The following NEB variants were observed in gnomAD, a reference collection of about 807,000 sequenced individuals.
The protein encoded by NEB is nemaline myopathy type 2.
Under a neutral mutation model 952.2 loss-of-function variants are expected in NEB, and 512 were observed. That is an observed-to-expected ratio of 0.54 (90% CI 0.50 to 0.58). The LOEUF (loss-of-function observed/expected upper bound fraction) is 0.58, where lower values mean the gene tolerates loss of function less well. Among genes scored for constraint, NEB ranks in the 20% least tolerant of loss-of-function variants. The probability of loss-of-function intolerance (pLI) is 0.00; values close to 1 mark genes in which losing one functional copy is unlikely to be tolerated. For missense variants in NEB, 8,428 were observed against 9,231.1 expected (o/e 0.91, Z 3.56); for synonymous variants, 2,900 against 3,149.8 (o/e 0.92, Z 2.66).
chr2:151,537,096 G>A (rs751847160), intron 141 of NEB, 36 bp downstream of exon 141: 85 of 1,341,008 alleles, frequency 6.3e-5, no homozygotes, highest in Admixed American at 1.2e-4. Context: ...GGTATATGTC[G>A]AATGGATGAG....
In NEB at chr2:151,619,470, G is replaced by T; in HGVS notation, c.10853C>A (p.Ala3618Asp). 6.2e-7 allele frequency: 1 copy of T among 1,607,986 alleles called. No individual in the cohort carries two copies. Among genetic ancestry groups the T allele is most frequent in the African/African-American group, 1.3e-5 (1 of 74,904 alleles). ...ACTTACGTCACTCTGGAGGTCATAG[G>T]CTTTCCGTGCATGAATGATGTCATT... ...DQNDIIHARK[A>D]YDLQSDNLYK... The change falls in exon 73 of 182, where the codon GCC becomes GAC. Residue 3618 changes from alanine (A) to aspartate (D), a missense_variant. This residue lies in a region of NEB where 1,772 missense variants were observed against 1,960.3 expected (regional missense o/e 0.90). Coordinates refer to ENST00000397345, the MANE Select transcript of NEB (RefSeq NM_001164508.2).
At position 151,643,842 on chromosome 2, in the gene NEB, C is replaced by T; in HGVS notation, c.7932G>A (p.Arg2644=). 1 of 1,613,790 alleles carries T rather than the reference C, an allele frequency of 6.2e-7. No individual in the cohort carries two copies. Among genetic ancestry groups the T allele is most frequent in the South Asian group, 1.1e-5 (1 of 91,074 alleles). Residue 2644 remains arginine, a synonymous_variant, in exon 57 of 182, where the codon CGG becomes CGA. Coordinates refer to ENST00000397345, the MANE Select transcript of NEB (RefSeq NM_001164508.2). ...LPDQSDVIHA[R]QAYDLQSDNL... ...CATCGCTCTGGAGGTCATAGGCCTG[C>T]CGAGCATGGATGACATCGCTCTGGT...
rs753855949 is a variant in NEB, at chr2:151,513,648, G to A, written c.23173C>T (p.Leu7725=). ...GGAGTTTCATTGGCCATGGCATTCAGGCCTCTTCCTTTGACTTCCAGTTCC... is the reference window on the plus strand; with the variant it reads ...GGAGTTTCATTGGCCATGGCATTCAAGCCTCTTCCTTTGACTTCCAGTTCC... ...DLELEVKGRG[L]NAMANETPDF... is the part of the protein sequence containing the mutation. The change falls in exon 160 of 182, where the codon CTG becomes TTG. Residue 7725 remains leucine (L), a synonymous_variant. Coordinates refer to ENST00000397345, the MANE Select transcript of NEB (RefSeq NM_001164508.2). 1 of 1,609,566 alleles carries A rather than the reference G, an allele frequency of 6.2e-7. No homozygotes were observed. The highest frequency in any genetic ancestry group is 2.2e-5 in the East Asian group (1 of 44,838).
At chr2:151,491,020 T>C (rs2056107034) in intron 179 of NEB, among the ~76,000 whole-genome samples, 1 of 149,322 alleles carries the variant, frequency 6.7e-6, no homozygotes, top group Non-Finnish European at 1.5e-5. Context: ...CTTTGAGGAC[T>C]GTCTCTACAT....
rs569849433 is a variant in NEB at position 151,513,687 on chromosome 2, A to G, written c.23134T>C (p.Tyr7712His). 1.9e-6 allele frequency: 3 copies of G among 1,593,744 alleles called. No individual in the cohort carries two copies. Among genetic ancestry groups the G allele is most frequent in the East Asian group, 2.2e-5 (1 of 44,516 alleles). The change falls in exon 160 of 182, where the codon TAT becomes CAT. Residue 7712 changes from tyrosine (Y) to histidine (H), a missense_variant. By Grantham distance (83) the Tyr-to-His change is moderately conservative. Transcript: ENST00000397345. ...ACTTCCAGTTCCAGGTCTCGCTTAT[A>G]TTCTTTCTATAGTAGCATTAAAAGA... is the stretch of plus-strand genomic sequence containing the variant. ...NATQILNEKE[Y>H]KRDLELEVKG...
At chr2:151,609,101 G>C (rs945370533) in intron 81 of NEB, among the ~76,000 whole-genome samples, 12 of 151,146 alleles carry the variant, frequency 7.9e-5, no homozygotes, top group Admixed American at 7.9e-4. Flanking sequence ...AGTTGAAGTC[G>C]TGAGTGCTAA....
intron 7 of NEB, 28 bp downstream of exon 7, chr2:151,724,829 A>G: frequency 1.3e-6 from 2 of 1,574,910 alleles, no homozygotes; most frequent in Non-Finnish European, 8.7e-7. Flanking sequence ...GCTACTGAGT[A>G]CCCCAGCCAT....
At chr2:151,634,418 T>G (rs1342175096) in intron 64 of NEB, among the ~76,000 whole-genome samples, 1 of 151,952 alleles carries the variant, frequency 6.6e-6, no homozygotes, top group Non-Finnish European at 1.5e-5. Flanking sequence ...CTAAGGCAGG[T>G]GGATCATGAG....
chr2:151,658,762 T>A (rs555272619), intron 47 of NEB, among the ~76,000 whole-genome samples: 1 of 152,144 alleles, frequency 6.6e-6, no homozygotes, highest in African/African-American at 2.4e-5. Flanking sequence ...GACTCTCATT[T>A]CCTTTTTCTC....
rs1197573851 is a variant in NEB at position 151,533,565 on chromosome 2, G to A, written c.21313-19C>T. 35 of 1,482,272 alleles carry A rather than the reference G, an allele frequency of 2.4e-5. No individual in the cohort carries two copies. The East Asian group carries it at 7.4e-4, about 31-fold the overall frequency. The allele number at this position is 1,482,272 out of a possible 1,614,324, so 91.8% of individuals were successfully genotyped here. ...ATTTTCTCTGTCCATGCAAAGAGCA[G>A]TGAAGCACAAAAGAGACTTATGAAG... On this transcript the variant is annotated intron_variant, in intron 142 of 181. Coordinates refer to ENST00000397345, the MANE Select transcript of NEB (RefSeq NM_001164508.2).
At chr2:151,525,386 T>C (rs1218912491) in intron 150 of NEB, 113 bp from the exon 151 acceptor site, 1 of 746,692 alleles carries the variant, frequency 1.3e-6, no homozygotes, top group Non-Finnish European at 2.3e-6. Flanking sequence ...TTGGCGTCAG[T>C]CTGGGACTTA....
rs1269689739 is a variant in NEB at position 151,614,609 on chromosome 2, T to A, written c.11290-22A>T. On this transcript the variant is annotated intron_variant, in intron 76 of 181. Transcript: ENST00000397345. ...TGTACTAAAAAAATAGAGATATGAGTATAATGACAAGAACATCTTATATAA... is the reference window on the plus strand; with the variant it reads ...TGTACTAAAAAAATAGAGATATGAGAATAATGACAAGAACATCTTATATAA... 7 of 1,592,236 alleles carry A rather than the reference T, an allele frequency of 4.4e-6. 1 individual carries two copies. The highest frequency in any genetic ancestry group is 6.0e-6 in the Non-Finnish European group (7 of 1,162,620).
chr2:151,562,119 A>G lies in NEB; in HGVS notation c.18987T>C (p.Leu6329=). 1 of 1,613,296 alleles carries G rather than the reference A, an allele frequency of 6.2e-7. No individual in the cohort carries two copies. Residue 6329 remains leucine, a synonymous_variant, in exon 121 of 182, where the codon CTT becomes CTC. Coordinates refer to ENST00000397345, the MANE Select transcript of NEB (RefSeq NM_001164508.2). ...TAGGAAGGTGGCTCACCTGACTCTG[A>G]AGGTCGTATGATTTCTTGGCATGGA... The part of the protein sequence containing the change: ...QILHAKKSYD[L]QSQLQYTAAG...
intron 71 of NEB, among the ~76,000 whole-genome samples, chr2:151,621,862 C>G (rs967561247): frequency 2.6e-5 from 4 of 152,064 alleles, no homozygotes; most frequent in South Asian, 2.1e-4. Flanking sequence ...GATAAATATA[C>G]AGTTTGATAA....
rs764085607 is a variant in NEB at position 151,696,628 on chromosome 2, G to A, written c.1569+9C>T. Reference sequence around the variant, plus strand: ...TAATTGGGTGTCCTGAGTAGTTAGAGGAACTTACGTCACTCAGTTGTTTGG... The same window carrying A: ...TAATTGGGTGTCCTGAGTAGTTAGAAGAACTTACGTCACTCAGTTGTTTGG... On this transcript the variant is annotated intron_variant, in intron 17 of 181. Coordinates refer to ENST00000397345, the MANE Select transcript of NEB (RefSeq NM_001164508.2). 19 of 1,604,612 alleles carry A rather than the reference G, an allele frequency of 1.2e-5. No individual in the cohort carries two copies. The highest frequency in any genetic ancestry group is 4.5e-5 in the East Asian group (2 of 44,830).
chr2:151,638,131 A>G (rs1414609679), intron 63 of NEB, among the ~76,000 whole-genome samples: 1 of 152,226 alleles, frequency 6.6e-6, no homozygotes, highest in Non-Finnish European at 1.5e-5. Flanking sequence ...ATAAATTACC[A>G]AACGCATAAA....
intron 10 of NEB, among the ~76,000 whole-genome samples, chr2:151,712,992 T>A (rs2099749438): frequency 6.6e-6 from 1 of 152,002 alleles, no homozygotes; most frequent in Non-Finnish European, 1.5e-5. Flanking sequence ...TCTCTAGAAT[T>A]TTTTTGGTTT....
chr2:151,578,819 C>A (rs769152911), intron 105 of NEB, among the ~76,000 whole-genome samples: 1 of 151,794 alleles, frequency 6.6e-6, no homozygotes, highest in Non-Finnish European at 1.5e-5. Flanking sequence ...TGGTGGCTCA[C>A]TTCTGTAATC....
chr2:151,563,776 C>A, intron 118 of NEB, 47 bp downstream of exon 118: 1 of 1,606,902 alleles, frequency 6.2e-7, no homozygotes, highest in Non-Finnish European at 8.5e-7. Context: ...GCCCCTTGAT[C>A]CCCAGTAAAG....
Sources: allele counts gnomAD v4.1 joint callset (sites outside exome capture counted in the v4.1 genomes callset), GRCh38; gene constraint gnomAD v4.1.1; regional missense constraint gnomAD v4.1.1; transcripts MANE v1.5; gene names NCBI Gene and HGNC (gene_info 2026-07-23, HGNC 2026-07-21).